UNC13C: variants seen among roughly 807,000 people sequenced by gnomAD.
UNC13C encodes the protein unc-13 homolog C.
In UNC13C, 174 loss-of-function variants were observed where a neutral mutation model predicts 245.4. The observed-to-expected ratio is 0.71, with a 90% confidence interval of 0.63 to 0.80. UNC13C has a LOEUF of 0.80. Among genes scored for constraint, UNC13C ranks in the 30% least tolerant of loss-of-function variants. The probability of loss-of-function intolerance (pLI) is 0.00; values close to 1 mark genes in which losing one functional copy is unlikely to be tolerated. For synonymous variants in UNC13C, 992 were observed against 895.1 expected, an observed-to-expected ratio of 1.11 and a Z score of -1.93; for missense variants, 2,829 against 2,602.9, an observed-to-expected ratio of 1.09 and a Z score of -1.89.
the UNC13C span, among the ~76,000 whole-genome samples, chr15:53,866,773 G>T: frequency 2.0e-5 from 3 of 152,182 alleles, no homozygotes; most frequent in Non-Finnish European, 4.4e-5. Flanking sequence ...TATGAAAGTG[G>T]TAAGTCACTA....
At chr15:54,293,226 G>A (rs948667955) in intron 10 of UNC13C, among the ~76,000 whole-genome samples, 6 of 151,870 alleles carry the variant, frequency 4.0e-5, no homozygotes, top group African/African-American at 1.4e-4. Flanking sequence ...AACAGGCAAA[G>A]AAGCCTAGGG....
intron 30 of UNC13C, among the ~76,000 whole-genome samples, chr15:54,604,497 G>T (rs1256309525): frequency 6.6e-6 from 1 of 152,136 alleles, no homozygotes; most frequent in Non-Finnish European, 1.5e-5. Flanking sequence ...AGTTTTGGGG[G>T]ATCACTGATA....
chr15:54,338,774 A>G (rs35847590), intron 17 of UNC13C, among the ~76,000 whole-genome samples: 41,306 of 152,104 alleles, frequency 0.27, 6,014 homozygotes, highest in Admixed American at 0.36. Context: ...GTCACAAGGT[A>G]GGTAATTGGC....
chr15:53,921,175 G>A, the UNC13C span, among the ~76,000 whole-genome samples: 1 of 152,058 alleles, frequency 6.6e-6, no homozygotes, highest in African/African-American at 2.4e-5. Context: ...TGACAGGAAA[G>A]AACATTGCTC....
intron 4 of UNC13C, among the ~76,000 whole-genome samples, chr15:54,186,856 T>TATATATATATATATA (rs1567079918): frequency 6.7e-5 from 8 of 120,242 alleles, no homozygotes; most frequent in East Asian, 4.9e-4. Flanking sequence ...TATATATATA[T>TATATATATATATATA]TTTGTTTTTT....
chr15:54,518,862 A>G (rs1368055107), intron 24 of UNC13C, among the ~76,000 whole-genome samples: 8 of 152,200 alleles, frequency 5.3e-5, no homozygotes, highest in Admixed American at 6.6e-5. Context: ...CTGAACATAA[A>G]GTGTCTCGTT....
At chr15:54,304,753 T>C (rs1375360525) in intron 13 of UNC13C, among the ~76,000 whole-genome samples, 1 of 152,040 alleles carries the variant, frequency 6.6e-6, no homozygotes, top group East Asian at 1.9e-4. Context: ...ATTTTTGCTT[T>C]GGCAGTACAA....
chr15:54,490,952 T>A (rs956445047), intron 19 of UNC13C, among the ~76,000 whole-genome samples: 3 of 152,168 alleles, frequency 2.0e-5, no homozygotes, highest in African/African-American at 7.2e-5. Flanking sequence ...GCTAAATTCA[T>A]CTCCTCCAGG....
At chr15:54,130,823 T>C (rs1300443479) in intron 2 of UNC13C, among the ~76,000 whole-genome samples, 1 of 152,238 alleles carries the variant, frequency 6.6e-6, no homozygotes, top group Non-Finnish European at 1.5e-5. Context: ...AATAATATTC[T>C]TTCTGGTTTT....
chr15:54,186,512 C>T (rs922197460), intron 4 of UNC13C, among the ~76,000 whole-genome samples: 59 of 152,102 alleles, frequency 3.9e-4, no homozygotes, highest in African/African-American at 1.4e-3. Flanking sequence ...TAATTATATA[C>T]TTCAGGATTC....
At chr15:53,964,171 C>G in the UNC13C span, among the ~76,000 whole-genome samples, 1 of 152,078 alleles carries the variant, frequency 6.6e-6, no homozygotes, top group Non-Finnish European at 1.5e-5. Flanking sequence ...GGAGTACTGA[C>G]AAATCTCATG....
upstream of UNC13C, among the ~76,000 whole-genome samples, chr15:53,973,740 TAAA>T (rs965984980): frequency 6.6e-6 from 1 of 152,006 alleles, no homozygotes; most frequent in Non-Finnish European, 1.5e-5. Flanking sequence ...CTGAAGGAAA[TAAA>T]AAATGAACAA....
intron 13 of UNC13C, chr15:54,320,826 C>G (rs1158073442): frequency 3.1e-6 from 1 of 323,570 alleles, no homozygotes; most frequent in Non-Finnish European, 6.0e-6. Context: ...ACCACAGGAA[C>G]TAGAGCTTCT....
intron 17 of UNC13C, among the ~76,000 whole-genome samples, chr15:54,373,314 G>C (rs2039533807): frequency 6.6e-6 from 1 of 152,190 alleles, no homozygotes; most frequent in Non-Finnish European, 1.5e-5. Context: ...CTTTGCCTGA[G>C]TTTTGCTCGA....
intron 2 of UNC13C, among the ~76,000 whole-genome samples, chr15:54,058,093 G>T (rs570199918): frequency 6.2e-4 from 94 of 151,790 alleles, no homozygotes; most frequent in African/African-American, 2.2e-3. Context: ...CTAGCAGAAG[G>T]CAAGAAATAA....
At chr15:53,970,297 T>C in the UNC13C span, among the ~76,000 whole-genome samples, 1 of 152,136 alleles carries the variant, frequency 6.6e-6, no homozygotes, top group African/African-American at 2.4e-5. Flanking sequence ...TCAAACTCCT[T>C]ATCTCAGGTG....
intron 2 of UNC13C, among the ~76,000 whole-genome samples, chr15:54,061,865 G>T (rs536441829): frequency 1.4e-4 from 22 of 152,138 alleles, no homozygotes; most frequent in Non-Finnish European, 2.2e-4. Flanking sequence ...TTCATTCTTA[G>T]CATGGGTATG....
rs60009673 is a variant in UNC13C, at chr15:54,451,809, G to C, written c.4933+36742G>C. Among the ~76,000 whole-genome samples the C allele has an allele frequency of 3.0e-4, 45 of 151,772 alleles. No homozygotes were observed. The East Asian group carries it at 8.5e-3, about 29-fold the overall frequency. On this transcript the variant is annotated intron_variant, in intron 19 of 32. Coordinates refer to ENST00000260323, the MANE Select transcript of UNC13C (RefSeq NM_001080534.3). ...GCTGCAGAATTATTGTGTTTTTTTG[G>C]AAGTGTCATATTTCCTTCCTTTGTC...
In UNC13C at chr15:54,039,100, C is replaced by T. The variant is rs57400727; in HGVS notation, c.2983+23214C>T. Reference sequence around the variant, plus strand: ...CAGGGACCTCATGCCCTTTAGAAGACATTGTGCCCCCTCCTGCATTCAGAT... The same window carrying T: ...CAGGGACCTCATGCCCTTTAGAAGATATTGTGCCCCCTCCTGCATTCAGAT... On this transcript the variant is annotated intron_variant, in intron 2 of 32. Transcript: ENST00000260323. 9.6e-3 allele frequency among the ~76,000 whole-genome samples: 1,458 copies of T among 152,280 alleles called. 18 individuals carry two copies. Among genetic ancestry groups the T allele is most frequent in the African/African-American group, 0.034 (1,397 of 41,554 alleles).
Sources: allele counts gnomAD v4.1 joint callset (sites outside exome capture counted in the v4.1 genomes callset), GRCh38; gene constraint gnomAD v4.1.1; transcripts MANE v1.5; gene names NCBI Gene and HGNC (gene_info 2026-07-23, HGNC 2026-07-21).